The following CFAP54 variants were observed in gnomAD, a reference collection of about 807,000 sequenced individuals.
CFAP54 encodes cilia and flagella associated protein 54.
In CFAP54, 290 loss-of-function variants were observed where a neutral mutation model predicts 370.4. That is an observed-to-expected ratio of 0.78 (90% CI 0.71 to 0.86). The LOEUF (loss-of-function observed/expected upper bound fraction) is 0.86, where lower values mean the gene tolerates loss of function less well. Ranked by LOEUF, CFAP54 falls within the 40% of genes least tolerant of loss-of-function variation. The pLI is 0.00. For missense variants in CFAP54, 3,399 were observed against 3,528.7 expected (o/e 0.96, Z 0.93); for synonymous variants, 1,206 against 1,236.5 (o/e 0.98, Z 0.52).
In CFAP54 at chr12:96,658,067, A is replaced by G. The variant is rs201566265; in HGVS notation, c.5286A>G (p.Thr1762=). The stretch of plus-strand genomic sequence containing the variant: ...TATATCAAGTGGAAAAATGGGAAAC[A>G]CTAGTATCTCTTGCCATTCAGTTCA... The part of the protein sequence containing the change: ...EVLYQVEKWE[T]LVSLAIQFNT... Residue 1762 remains threonine, a synonymous_variant, in exon 37 of 68, where the codon ACA becomes ACG. Transcript: ENST00000524981. 2.4e-4 allele frequency: 393 copies of G among 1,613,906 alleles called. No individual in the cohort carries two copies. Among genetic ancestry groups the G allele is most frequent in the Non-Finnish European group, 3.3e-4 (389 of 1,179,906 alleles).
intron 26 of CFAP54, among the ~76,000 whole-genome samples, chr12:96,611,550 G>A (rs1284749634): frequency 3.3e-5 from 5 of 152,364 alleles, no homozygotes; most frequent in Admixed American, 2.0e-4. Flanking sequence ...TGACTTTGAC[G>A]AGTTGAGAGA....
chr12:96,655,942 A>T (rs1956917993), intron 36 of CFAP54, among the ~76,000 whole-genome samples: 1 of 152,100 alleles, frequency 6.6e-6, no homozygotes, highest in African/African-American at 2.4e-5. Flanking sequence ...TTTAGAGATA[A>T]ATACTAAAAT....
At chr12:96,502,623 A>T (rs867604287) in intron 2 of CFAP54, among the ~76,000 whole-genome samples, 1 of 152,188 alleles carries the variant, frequency 6.6e-6, no homozygotes, top group South Asian at 2.1e-4. Flanking sequence ...ACAGTGTTTG[A>T]CTGAAGATGC....
intron 32 of CFAP54, 120 bp downstream of exon 32, chr12:96,630,771 A>C (rs892903265): frequency 8.4e-6 from 4 of 475,306 alleles, no homozygotes; most frequent in African/African-American, 4.0e-5. Context: ...GCCTTCAAGG[A>C]ACTTACATAC....
At chr12:96,721,912 G>C (rs1957758422) in intron 50 of CFAP54, among the ~76,000 whole-genome samples, 1 of 152,236 alleles carries the variant, frequency 6.6e-6, no homozygotes, top group Non-Finnish European at 1.5e-5. Flanking sequence ...AGGTTGGAGG[G>C]GGACGAGTTA....
intron 48 of CFAP54, among the ~76,000 whole-genome samples, chr12:96,715,798 A>G (rs769354269): frequency 3.3e-5 from 5 of 152,112 alleles, no homozygotes; most frequent in Non-Finnish European, 7.4e-5. Context: ...AATGTAATTT[A>G]TATATTTTTA....
chr12:96,855,172 G>GCC (rs1302012451), intron 66 of CFAP54, among the ~76,000 whole-genome samples: 1 of 152,084 alleles, frequency 6.6e-6, no homozygotes, highest in Non-Finnish European at 1.5e-5. Context: ...GATGGTAACT[G>GCC]CCCCCATGAT....
intron 15 of CFAP54, among the ~76,000 whole-genome samples, chr12:96,552,435 C>T (rs1955705445): frequency 6.6e-6 from 1 of 151,872 alleles, no homozygotes; most frequent in Non-Finnish European, 1.5e-5. Flanking sequence ...CCTCTGCCTC[C>T]CGGGTTCAAG....
intron 51 of CFAP54, among the ~76,000 whole-genome samples, chr12:96,741,457 C>T (rs923917189): frequency 7.2e-5 from 11 of 152,268 alleles, no homozygotes; most frequent in Admixed American, 3.3e-4. Flanking sequence ...GCCACCGCGC[C>T]GCGCATGTTG....
At chr12:96,512,579 G>A (rs945032347) in intron 4 of CFAP54, among the ~76,000 whole-genome samples, 21 of 151,966 alleles carry the variant, frequency 1.4e-4, no homozygotes, top group African/African-American at 4.8e-4. Context: ...CTGACCTCGT[G>A]ATCCTCCCGC....
In CFAP54 at chr12:96,649,915, T is replaced by C; in HGVS notation, c.4715T>C (p.Ile1572Thr). 1 of 1,600,378 alleles carries C rather than the reference T, an allele frequency of 6.2e-7. No individual in the cohort carries two copies. Among genetic ancestry groups the C allele is most frequent in the Non-Finnish European group, 8.5e-7 (1 of 1,173,790 alleles). ...PSDAEEFSTF[I>T]NSIMSDENMS... ...GATGCTGAAGAATTTTCTACATTTA[T>C]TAATTCCATAATGAGTGATGAAAAT... is the stretch of plus-strand genomic sequence containing the variant. Residue 1572 changes from isoleucine to threonine, a missense_variant, in exon 35 of 68, where the codon ATT becomes ACT. By Grantham distance (89) the Ile-to-Thr change is moderately conservative. Around this residue, in one of 3 missense-constraint regions of CFAP54, gnomAD observed 2,796 missense variants for 2,869.7 expected, o/e 0.97. Transcript: ENST00000524981.
intron 2 of CFAP54, 151 bp downstream of exon 2, chr12:96,501,090 T>A: frequency 2.0e-6 from 1 of 502,868 alleles, no homozygotes; most frequent in Non-Finnish European, 3.5e-6. Context: ...TAAGGCACAG[T>A]AACCAAAAAA....
At chr12:96,805,941 C>G (rs1338825007) in intron 63 of CFAP54, among the ~76,000 whole-genome samples, 1 of 150,994 alleles carries the variant, frequency 6.6e-6, no homozygotes, top group African/African-American at 2.4e-5. Flanking sequence ...GGCCATTATC[C>G]TAACTAAAAT....
intron 44 of CFAP54, 22 bp from the exon 45 acceptor site, chr12:96,693,700 A>T: frequency 7.0e-7 from 1 of 1,428,378 alleles, no homozygotes; most frequent in South Asian, 1.2e-5. Context: ...TTTTGAAACA[A>T]AGAGTGTTTT....
intron 63 of CFAP54, among the ~76,000 whole-genome samples, chr12:96,793,146 C>G (rs1381401115): frequency 6.6e-6 from 1 of 151,542 alleles, no homozygotes; most frequent in Non-Finnish European, 1.5e-5. Flanking sequence ...TTTGGTGCAC[C>G]CATCACCCAA....
intron 55 of CFAP54, among the ~76,000 whole-genome samples, chr12:96,747,675 C>T (rs769349217): frequency 1.3e-5 from 2 of 152,188 alleles, no homozygotes; most frequent in African/African-American, 2.4e-5. Context: ...CTAGAGGATC[C>T]AGGCCTGAAT....
intron 66 of CFAP54, among the ~76,000 whole-genome samples, chr12:96,859,920 T>A (rs1959826947): frequency 6.6e-6 from 1 of 152,204 alleles, no homozygotes; most frequent in Non-Finnish European, 1.5e-5. Flanking sequence ...AGATTATTAA[T>A]TTTTTATTTA....
intron 39 of CFAP54, among the ~76,000 whole-genome samples, chr12:96,679,173 C>T (rs1478669449): frequency 6.6e-6 from 1 of 152,184 alleles, no homozygotes. Context: ...TCTTTTCCTT[C>T]CCTTCCGAGA....
In CFAP54 at chr12:96,535,498, CTACTT is replaced by C. The variant is rs1161264846; in HGVS notation, c.1706-14_1706-10del. 7 of 1,493,086 alleles carry C rather than the reference CTACTT, an allele frequency of 4.7e-6. No individual in the cohort carries two copies. In the African/African-American group the frequency reaches 9.8e-5, roughly 21 times the overall value. The allele number at this position is 1,493,086 out of a possible 1,614,324, so 92.5% of individuals were successfully genotyped here. A position where few individuals can be genotyped will look rare whatever the true frequency, so the allele number is the denominator to read the frequency against. On this transcript the variant is annotated splice_polypyrimidine_tract_variant and intron_variant, in intron 11 of 67. Coordinates refer to ENST00000524981, the MANE Select transcript of CFAP54 (RefSeq NM_001306084.2). ...AGTGATTTTTTTGTTTCATTTTCCT[CTACTT>C]TATGAACTTAGATACTTGTTTGAAG...
Sources: allele counts gnomAD v4.1 joint callset (sites outside exome capture counted in the v4.1 genomes callset), GRCh38; gene constraint gnomAD v4.1.1; regional missense constraint gnomAD v4.1.1; transcripts MANE v1.5; gene names NCBI Gene and HGNC (gene_info 2026-07-23, HGNC 2026-07-21).